DMD: variants seen among roughly 807,000 people sequenced by gnomAD.
DMD encodes the protein dystrophin.
In DMD, 63 loss-of-function variants were observed where a neutral mutation model predicts 330.1. That is an observed-to-expected ratio of 0.19 (90% CI 0.16 to 0.24). DMD has a LOEUF of 0.24. DMD is among the 10% of genes least tolerant of loss of function. DMD has a pLI of 1.00. For missense variants in DMD, 3,344 were observed against 2,684.1 expected (o/e 1.25, Z -5.43); for synonymous variants, 1,223 against 959.8 (o/e 1.27, Z -5.07).
intron 29 of DMD, among the ~76,000 whole-genome samples, chrX:32,429,008 T>G (rs1387726812): frequency 9.0e-6 from 1 of 111,206 alleles, no homozygotes; most frequent in Non-Finnish European, 1.9e-5. Flanking sequence ...ATAAATTAGG[T>G]GTCTAAGCTT....
At position 32,502,678 on chromosome X, in the gene DMD, A is replaced by G. The variant is rs745745865; in HGVS notation, c.2293-836T>C. The stretch of plus-strand genomic sequence containing the variant: ...AATTAAAATATAGTAAGAACAACAC[A>G]CCTGTGACTTAACAATCATATTATA... On this transcript the variant is annotated intron_variant, in intron 18 of 78. Coordinates refer to ENST00000357033, the MANE Select transcript of DMD (RefSeq NM_004006.3). 2.7e-5 allele frequency among the ~76,000 whole-genome samples: 3 copies of G among 112,561 alleles called. No homozygotes were observed. The East Asian group carries it at 8.4e-4, about 31-fold the overall frequency.
At chrX:32,300,641 C>A (rs1343449081) in intron 42 of DMD, among the ~76,000 whole-genome samples, 2 of 111,261 alleles carry the variant, frequency 1.8e-5, no homozygotes, top group African/African-American at 6.5e-5. Context: ...TACAGAAAAT[C>A]CAAATAGAAA....
chrX:31,695,586 A>AT (rs79128632), intron 52 of DMD, among the ~76,000 whole-genome samples: 45,110 of 107,840 alleles, frequency 0.42, 8,046 homozygotes, highest in African/African-American at 0.62. Context: ...ATAAAAAAAA[A>AT]ATTTTAAAAA....
chrX:32,388,242 T>C (rs5972554), intron 32 of DMD, among the ~76,000 whole-genome samples: 19,446 of 109,425 alleles, frequency 0.18, 1,775 homozygotes, highest in African/African-American at 0.35. Flanking sequence ...GGATACATTT[T>C]ATAAGGTAAC....
intron 9 of DMD, among the ~76,000 whole-genome samples, chrX:32,690,033 G>A (rs1273433638): frequency 5.6e-5 from 6 of 108,099 alleles, no homozygotes; most frequent in African/African-American, 2.0e-4. Context: ...CACTTCTACC[G>A]ATGGCAATAC....
At chrX:31,975,658 T>C (rs1420845244) in intron 44 of DMD, among the ~76,000 whole-genome samples, 2 of 111,934 alleles carry the variant, frequency 1.8e-5, no homozygotes, top group East Asian at 5.7e-4. Flanking sequence ...GTGGAACATA[T>C]TGCACGTAAC....
intron 40 of DMD, 76 bp from the exon 41 acceptor site, chrX:32,342,358 C>T: frequency 2.8e-6 from 3 of 1,070,845 alleles, no homozygotes; most frequent in Non-Finnish European, 3.8e-6. Flanking sequence ...GCAAATACTT[C>T]TCTCAAAATT....
At chrX:32,251,222 G>A (rs1474932354) in intron 43 of DMD, among the ~76,000 whole-genome samples, 5 of 110,456 alleles carry the variant, frequency 4.5e-5, no homozygotes, top group Admixed American at 9.6e-5. Context: ...TCAAAGATTT[G>A]TCCTGATCAA....
chrX:31,875,137 T>A, intron 48 of DMD, 51 bp downstream of exon 48: 3 of 1,024,733 alleles, frequency 2.9e-6, no homozygotes, highest in Non-Finnish European at 4.0e-6. Context: ...TCAGTGATAT[T>A]GCCATTTTTC....
intron 44 of DMD, among the ~76,000 whole-genome samples, chrX:32,202,718 G>A (rs771152805): frequency 2.7e-5 from 3 of 112,055 alleles, no homozygotes; most frequent in Non-Finnish European, 5.6e-5. Flanking sequence ...GAAATAAACT[G>A]TTTAAAAATG....
intron 45 of DMD, among the ~76,000 whole-genome samples, chrX:31,951,627 T>G (rs5927056): frequency 0.29 from 32,155 of 110,154 alleles, 4,898 homozygotes; most frequent in African/African-American, 0.59. Flanking sequence ...ACAGTAAAAT[T>G]TAGATATTTT....
chrX:32,506,773 G>A (rs1250798081), intron 18 of DMD, among the ~76,000 whole-genome samples: 4 of 111,393 alleles, frequency 3.6e-5, no homozygotes, highest in African/African-American at 1.3e-4. Flanking sequence ...CAATTAGCAG[G>A]TAAAACTTCT....
chrX:31,385,559 G>A (rs749008250), intron 60 of DMD, among the ~76,000 whole-genome samples: 91 of 112,128 alleles, frequency 8.1e-4, no homozygotes, highest in African/African-American at 2.5e-3. Context: ...CACATTAAGC[G>A]TATATATTTA....
At chrX:31,379,105 C>T (rs770095803) in intron 60 of DMD, among the ~76,000 whole-genome samples, 3 of 110,293 alleles carry the variant, frequency 2.7e-5, no homozygotes, top group Middle Eastern at 9.1e-3. Flanking sequence ...CCCACCTGTC[C>T]CCTCAGTCCC....
chrX:32,208,192 C>T (rs1481736544), intron 44 of DMD, among the ~76,000 whole-genome samples: 1 of 111,884 alleles, frequency 8.9e-6, no homozygotes, highest in African/African-American at 3.2e-5. Context: ...GTGGGTACAA[C>T]AGGACAAAAT....
chrX:32,029,778 G>C lies in DMD; in HGVS notation c.6439-61264C>G, dbSNP rs1235036863. ...CAAACTTCTGTTTTTAATTTGTTTT[G>C]CTAAGTAAACTTAGTCATGAGGAAA... is the stretch of plus-strand genomic sequence containing the variant. On this transcript the variant is annotated intron_variant, in intron 44 of 78. Coordinates refer to ENST00000357033, the MANE Select transcript of DMD (RefSeq NM_004006.3). Among the ~76,000 whole-genome samples, 3 of 111,843 alleles carry C rather than the reference G, an allele frequency of 2.7e-5. No homozygotes were observed. In the East Asian group the frequency reaches 8.4e-4, roughly 31 times the overall value.
intron 2 of DMD, among the ~76,000 whole-genome samples, chrX:32,891,556 G>A (rs766324689): frequency 5.4e-5 from 6 of 111,687 alleles, no homozygotes; most frequent in Non-Finnish European, 9.4e-5. Context: ...CTAATAAAGC[G>A]ATGTAGGACA....
At chrX:33,147,053 A>G (rs1288682274) in intron 1 of DMD, among the ~76,000 whole-genome samples, 1 of 110,568 alleles carries the variant, frequency 9.0e-6, no homozygotes, top group Non-Finnish European at 1.9e-5. Flanking sequence ...CGACATCCTG[A>G]CCTTGTGATC....
intron 7 of DMD, among the ~76,000 whole-genome samples, chrX:32,751,824 G>A (rs979354566): frequency 8.9e-6 from 1 of 112,430 alleles, no homozygotes; most frequent in Non-Finnish European, 1.9e-5. Flanking sequence ...GGTGCCCTGT[G>A]TCCCAGCCAC....
Sources: gnomAD v4.1 joint callset for allele counts (sites outside exome capture counted in the v4.1 genomes callset) on GRCh38, gnomAD v4.1.1 for gene constraint, MANE v1.5 for transcripts, NCBI Gene and HGNC (gene_info 2026-07-23, HGNC 2026-07-21) for gene names.